BLOC1S2: variants seen among roughly 807,000 people sequenced by gnomAD.
The protein encoded by BLOC1S2 is biogenesis of lysosomal organelles complex 1 subunit 2.
A neutral mutation model predicts 19.6 loss-of-function variants in BLOC1S2; 12 were observed. The observed-to-expected ratio is 0.61, with a 90% CI of 0.39 to 0.99. BLOC1S2 has a LOEUF of 0.99. BLOC1S2 is among the 50% of genes least tolerant of loss of function. BLOC1S2 has a pLI of 0.00. For synonymous variants in BLOC1S2, 66 were observed against 64.1 expected (o/e 1.03, Z -0.14); for missense variants, 142 against 171.0 (o/e 0.83, Z 0.95).
chr10:100,286,068 C>CACCCGAATCAACCCAG (rs765881700), intron 2 of BLOC1S2, 29 bp downstream of exon 2: 2 of 1,611,292 alleles, frequency 1.2e-6, no homozygotes, highest in East Asian at 4.5e-5. Flanking sequence ...GGCCAAACCG[C>CACCCGAATCAACCCAG]ACCCGAATCA....
At chr10:100,281,471 T>A (rs1224385988) in intron 2 of BLOC1S2, among the ~76,000 whole-genome samples, 2 of 151,940 alleles carry the variant, frequency 1.3e-5, no homozygotes, top group Admixed American at 1.3e-4. Flanking sequence ...GATCACGAGG[T>A]CAGGAGTTCA....
intron 2 of BLOC1S2, among the ~76,000 whole-genome samples, chr10:100,283,707 CTAAAAA>C (rs781510401): frequency 3.9e-5 from 6 of 151,938 alleles, no homozygotes; most frequent in Non-Finnish European, 7.4e-5. Context: ...CTCATCTCTA[CTAAAAA>C]TAAAAATAAA....
chr10:100,275,195 T>C lies in BLOC1S2; in HGVS notation c.*267A>G. 2.4e-6 allele frequency: 1 copy of C among 418,502 alleles called. No homozygotes were observed. The highest frequency in any genetic ancestry group is 4.2e-6 in the Non-Finnish European group (1 of 236,538). 25.9% of individuals were successfully genotyped at this position (418,502 alleles called of 1,614,324 possible). ...GGTAAGTCCAGCTGTTTTCTGAACTTTGTGAGAGTCTCTGTCCTGAATATG... is the reference window on the plus strand; with the variant it reads ...GGTAAGTCCAGCTGTTTTCTGAACTCTGTGAGAGTCTCTGTCCTGAATATG... On this transcript the variant is annotated 3_prime_UTR_variant, in exon 5 of 5. Coordinates refer to ENST00000370372, the MANE Select transcript of BLOC1S2 (RefSeq NM_173809.5).
At chr10:100,278,897 G>A (rs1208297441) in intron 4 of BLOC1S2, among the ~76,000 whole-genome samples, 12 of 151,942 alleles carry the variant, frequency 7.9e-5, no homozygotes, top group Admixed American at 7.9e-4. Flanking sequence ...ACCAGCCTGG[G>A]CAACACAGCA....
At chr10:100,282,337 C>T (rs1848129709) in intron 2 of BLOC1S2, among the ~76,000 whole-genome samples, 1 of 152,216 alleles carries the variant, frequency 6.6e-6, no homozygotes, top group African/African-American at 2.4e-5. Flanking sequence ...TGCATATACC[C>T]TTGTAGTCTG....
intron 2 of BLOC1S2, among the ~76,000 whole-genome samples, chr10:100,285,250 T>G (rs1314266900): frequency 6.6e-6 from 1 of 152,148 alleles, no homozygotes; most frequent in East Asian, 1.9e-4. Flanking sequence ...TTTCTTTTTC[T>G]TTTTTCTTTC....
intron 4 of BLOC1S2, among the ~76,000 whole-genome samples, chr10:100,278,675 A>G (rs1371473087): frequency 6.6e-6 from 1 of 152,258 alleles, no homozygotes; most frequent in Non-Finnish European, 1.5e-5. Context: ...AATCTCAAGT[A>G]CCCAGGGACA....
At chr10:100,276,888 C>T (rs923119160) in intron 4 of BLOC1S2, among the ~76,000 whole-genome samples, 2 of 152,194 alleles carry the variant, frequency 1.3e-5, no homozygotes, top group Admixed American at 6.5e-5. Flanking sequence ...TTGGCCCCCC[C>T]AAAGTGCGGA....
intron 2 of BLOC1S2, among the ~76,000 whole-genome samples, chr10:100,281,425 C>T (rs1226801189): frequency 6.6e-6 from 1 of 152,040 alleles, no homozygotes; most frequent in African/African-American, 2.4e-5. Context: ...GTGGCTCATG[C>T]GTGTAATCCC....
At chr10:100,280,102 A>G (rs978000401) in intron 4 of BLOC1S2, 22 bp downstream of exon 4, 1 of 1,585,912 alleles carries the variant, frequency 6.3e-7, no homozygotes, top group African/African-American at 1.3e-5. Flanking sequence ...TATTACATCA[A>G]AACAGAAGTA....
Position 100,273,514 on chromosome 10 carries a change from GT to G in BLOC1S2, c.*1947del, listed in dbSNP as rs1167978792. On this transcript the variant is annotated 3_prime_UTR_variant, in exon 5 of 5. Transcript: ENST00000370372. ...GTGGCTGAAGATAGCTGAACACAGT[GT>G]AACAGGAAATAAAAACTTTTTAAAA... 6.6e-6 allele frequency: 1 copy of G among 152,146 alleles called. No individual in the cohort carries two copies. Among genetic ancestry groups the G allele is most frequent in the Non-Finnish European group, 1.5e-5 (1 of 68,026 alleles). The allele number at this position is 152,146 out of a possible 1,614,324, so 9.4% of individuals were successfully genotyped here.
In BLOC1S2 at chr10:100,274,933, T is replaced by G. The variant is rs1158663164; in HGVS notation, c.*529A>C. The stretch of plus-strand genomic sequence containing the variant: ...ACTCAGCTTGGAATTATTTTAAGAT[T>G]TTATGTTATTTGCAATATTATGGAA... On this transcript the variant is annotated 3_prime_UTR_variant, in exon 5 of 5. Transcript: ENST00000370372. 1 of 398,566 alleles carries G rather than the reference T, an allele frequency of 2.5e-6. No individual in the cohort carries two copies. The highest frequency in any genetic ancestry group is 3.6e-5 in the East Asian group (1 of 28,058). The allele number at this position is 398,566 out of a possible 1,614,324, so 24.7% of individuals were successfully genotyped here.
Position 100,275,449 on chromosome 10 carries a change from A to C in BLOC1S2, c.*13T>G, listed in dbSNP as rs2134346672. ...TTAAAAAAAAAAGACTCTGTCCCAT[A>C]GAAATAAGTTTCTCATCGCTTCTCC... On this transcript the variant is annotated 3_prime_UTR_variant, in exon 5 of 5. Transcript: ENST00000370372. 6.2e-7 allele frequency: 1 copy of C among 1,602,372 alleles called. No homozygotes were observed. Among genetic ancestry groups the C allele is most frequent in the African/African-American group, 1.3e-5 (1 of 74,776 alleles).
chr10:100,277,367 C>A (rs1173592952), intron 4 of BLOC1S2, among the ~76,000 whole-genome samples: 4 of 136,710 alleles, frequency 2.9e-5, no homozygotes, highest in African/African-American at 2.7e-5. Context: ...CCGCCCCGTC[C>A]GGGAGGTGAG....
In BLOC1S2 at chr10:100,286,631, G is replaced by A. The variant is rs774823522; in HGVS notation, c.29C>T (p.Ala10Val). 3 of 1,611,580 alleles carry A rather than the reference G, an allele frequency of 1.9e-6. No homozygotes were observed. The highest frequency in any genetic ancestry group is 2.5e-6 in the Non-Finnish European group (3 of 1,178,830). MAAAAEGVL[A>V]TRSDEPARDD... ...TCGGGCGGGCTCATCACTCCGGGTC[G>A]CCAGTACGCCCTCGGCTGCCGCCGC... The change falls in exon 1 of 5, where the codon GCG becomes GTG. Residue 10 changes from alanine to valine, a missense_variant. By Grantham distance (64) the Ala-to-Val change is moderately conservative. Around this residue, in one of 2 missense-constraint regions of BLOC1S2, gnomAD observed 48 missense variants for 29.7 expected, o/e 1.61. Coordinates refer to ENST00000370372, the MANE Select transcript of BLOC1S2 (RefSeq NM_173809.5).
chr10:100,275,163 T>C lies in BLOC1S2; in HGVS notation c.*299A>G, dbSNP rs1195742054. 7.4e-6 allele frequency: 3 copies of C among 406,618 alleles called. No homozygotes were observed. Among genetic ancestry groups the C allele is most frequent in the Admixed American group, 4.2e-5 (1 of 23,804 alleles). 25.2% of individuals were successfully genotyped at this position (406,618 alleles called of 1,614,324 possible). On this transcript the variant is annotated 3_prime_UTR_variant, in exon 5 of 5. Transcript: ENST00000370372. ...AGAGAAAATAGGTCCTCTCATTTGA[T>C]TTTACTGGTAAGTCCAGCTGTTTTC...
At chr10:100,277,604 G>A (rs1184500814) in intron 4 of BLOC1S2, among the ~76,000 whole-genome samples, 1 of 124,964 alleles carries the variant, frequency 8.0e-6, no homozygotes, top group African/African-American at 3.2e-5. Flanking sequence ...GGAGGGAGGT[G>A]GGAGGGGGTC....
At chr10:100,277,834 G>A (rs1330291382) in intron 4 of BLOC1S2, among the ~76,000 whole-genome samples, 10 of 125,402 alleles carry the variant, frequency 8.0e-5, no homozygotes, top group East Asian at 2.5e-4. Context: ...GAGGGAGGTG[G>A]GGGAGTCAGC....
intron 4 of BLOC1S2, among the ~76,000 whole-genome samples, chr10:100,277,071 C>T (rs1258316819): frequency 1.3e-4 from 19 of 151,316 alleles, no homozygotes; most frequent in African/African-American, 4.4e-4. Flanking sequence ...CGCCTCCTCC[C>T]GGCCGCCATC....
Sources: gnomAD v4.1 joint callset for allele counts (sites outside exome capture counted in the v4.1 genomes callset) on GRCh38, gnomAD v4.1.1 for gene constraint, gnomAD v4.1.1 regional missense constraint, MANE v1.5 for transcripts, NCBI Gene and HGNC (gene_info 2026-07-23, HGNC 2026-07-21) for gene names.